Variants in RASSF4 observed in about 807,000 individuals in gnomAD.
RASSF4 encodes ras association domain-containing protein 4.
RASSF4 carries 38 observed loss-of-function variants against 41.1 expected under a neutral mutation model. The ratio of observed to expected loss-of-function variants is 0.92; its 90% CI spans 0.71 to 1.21. The LOEUF is 1.21. Among genes scored for constraint, RASSF4 ranks in the 50% most tolerant of loss-of-function variants. The pLI is 0.00. For missense variants in RASSF4, 414 were observed against 419.4 expected (o/e 0.99, Z 0.11); for synonymous variants, 179 against 163.4 (o/e 1.10, Z -0.73).
chr10:44,993,246 C>T (rs760712496), intron 10 of RASSF4, 23 bp from the exon 11 acceptor site: 4 of 1,608,980 alleles, frequency 2.5e-6, no homozygotes, highest in African/African-American at 1.3e-5. Context: ...TCAGTGAGTC[C>T]TCTTGGCGAT....
rs770448767 is a variant in RASSF4, at chr10:44,982,664, G to T, written c.281+1G>T. On this transcript the variant is annotated splice_donor_variant, in intron 4 of 10. Coordinates refer to ENST00000340258, the MANE Select transcript of RASSF4 (RefSeq NM_032023.4). LOFTEE classifies it high-confidence loss of function. ...TGCCCAGACGGCCTAGCTGCCCTCT[G>T]TGAGTACCCGGTGGCTTCTGTGACA... 5.6e-6 allele frequency: 9 copies of T among 1,612,478 alleles called. No homozygotes were observed. Among genetic ancestry groups the T allele is most frequent in the South Asian group, 3.3e-5 (3 of 90,954 alleles).
At position 44,970,481 on chromosome 10, in the gene RASSF4, G is replaced by A. The variant is rs925816613; in HGVS notation, c.62+217G>A. The stretch of plus-strand genomic sequence containing the variant: ...TGGGAGGCATGGGCAATAGAAAAGA[G>A]GCTCCAGATGGCAGGCACTTTATAC... On this transcript the variant is annotated intron_variant, in intron 2 of 10. Coordinates refer to ENST00000340258, the MANE Select transcript of RASSF4 (RefSeq NM_032023.4). The A allele has an allele frequency of 5.4e-6, 3 of 558,014 alleles. No homozygotes were observed. In the African/African-American group the frequency reaches 5.6e-5, roughly 10 times the overall value. The allele number at this position is 558,014 out of a possible 1,614,324, so 34.6% of individuals were successfully genotyped here. A position where few individuals can be genotyped will look rare whatever the true frequency, so the allele number is the denominator to read the frequency against.
chr10:44,974,734 CCACGCTCTGGGGCCAGCGT>C (rs1358902751), intron 3 of RASSF4, among the ~76,000 whole-genome samples: 7 of 152,188 alleles, frequency 4.6e-5, no homozygotes, highest in East Asian at 1.9e-4. Flanking sequence ...GTGGGCAGGG[CCACGCTCTGGGGCCAGCGT>C]CACGCCCTGG....
intron 4 of RASSF4, chr10:44,983,036 G>T: frequency 4.1e-6 from 2 of 483,418 alleles, no homozygotes; most frequent in Non-Finnish European, 8.1e-6. Flanking sequence ...TTACTACTCT[G>T]TTTTCATTTT....
rs556839563 is a variant in RASSF4 at position 44,990,062 on chromosome 10, C to T, written c.685+341C>T. Among the ~76,000 whole-genome samples the T allele has an allele frequency of 2.4e-4, 37 of 152,334 alleles. 1 individual carries two copies. The South Asian group carries it at 7.0e-3, about 29-fold the overall frequency. ...CCAAGCTATAGGAAGCCTCCCTCTC[C>T]GCCTCTTCCAGAGAAATGGATGGGT... On this transcript the variant is annotated intron_variant, in intron 8 of 10. Transcript: ENST00000340258.
In RASSF4 at chr10:44,959,886, G is replaced by T. The variant is rs1287635361; in HGVS notation, c.-39+20G>T. ...TGGACGGTGAGTGATGAACGAGCAGGAGAGTGCTTGGGCGTCCATGGAGCA... is the reference window on the plus strand; with the variant it reads ...TGGACGGTGAGTGATGAACGAGCAGTAGAGTGCTTGGGCGTCCATGGAGCA... On this transcript the variant is annotated intron_variant, in intron 1 of 10. Transcript: ENST00000340258. The T allele has an allele frequency of 6.6e-6, 1 of 152,416 alleles. No individual in the cohort carries two copies. The highest frequency in any genetic ancestry group is 1.5e-5 in the Non-Finnish European group (1 of 68,192). The allele number at this position is 152,416 out of a possible 1,614,324, so 9.4% of individuals were successfully genotyped here. A position where few individuals can be genotyped will look rare whatever the true frequency, so the allele number is the denominator to read the frequency against.
intron 1 of RASSF4, among the ~76,000 whole-genome samples, chr10:44,965,946 A>T (rs961791269): frequency 6.6e-6 from 1 of 152,168 alleles, no homozygotes. Flanking sequence ...CGTGCAGGGG[A>T]AAAGCACTCC....
chr10:44,971,357 C>T (rs531022733), intron 2 of RASSF4: 423 of 387,028 alleles, frequency 1.1e-3, no homozygotes, highest in Non-Finnish European at 1.8e-3. Context: ...GCAGCAGCCA[C>T]AGCAGGCCTT....
At chr10:44,969,128 GTA>G (rs750836222) in intron 1 of RASSF4, among the ~76,000 whole-genome samples, 3 of 151,246 alleles carry the variant, frequency 2.0e-5, no homozygotes, top group Admixed American at 2.0e-4. Flanking sequence ...GTGTGTGTGT[GTA>G]TGTATGTGTG....
chr10:44,964,680 C>T (rs913959391), intron 1 of RASSF4, among the ~76,000 whole-genome samples: 1 of 152,144 alleles, frequency 6.6e-6, no homozygotes, highest in African/African-American at 2.4e-5. Context: ...TCTCAAAGGC[C>T]CCACCCAGTG....
rs1334185688 is a variant in RASSF4, at chr10:44,987,609, A to AG, written c.532-1665_532-1664insG. 7.5e-4 allele frequency among the ~76,000 whole-genome samples: 102 copies of AG among 135,394 alleles called. 1 individual carries two copies. The highest frequency in any genetic ancestry group is 1.1e-4 in the Non-Finnish European group (7 of 64,508). The allele number at this position is 135,394 out of a possible 152,430, so 88.8% of individuals were successfully genotyped here. ...GAAGGTTGCTGTTCAGCAACCTTCC[A>AG]TTTGCAAAAATGTGCACTTTTTTTT... On this transcript the variant is annotated intron_variant, in intron 6 of 10. Transcript: ENST00000340258.
At chr10:44,977,319 T>TG in intron 3 of RASSF4, 6 of 1,497,850 alleles carry the variant, frequency 4.0e-6, no homozygotes, top group Non-Finnish European at 5.4e-6. Context: ...CCAGGGGCAG[T>TG]GACCACCATG....
At chr10:44,965,185 A>G (rs950379269) in intron 1 of RASSF4, among the ~76,000 whole-genome samples, 2 of 152,254 alleles carry the variant, frequency 1.3e-5, no homozygotes, top group African/African-American at 4.8e-5. Context: ...ACAGAGACTT[A>G]TATACCATTT....
chr10:44,968,575 T>C (rs560590387), intron 1 of RASSF4, among the ~76,000 whole-genome samples: 1 of 152,294 alleles, frequency 6.6e-6, no homozygotes, highest in South Asian at 2.1e-4. Context: ...CATGCAGGGC[T>C]GATGCTAGCA....
At chr10:44,963,396 T>C (rs1840782804) in intron 1 of RASSF4, among the ~76,000 whole-genome samples, 1 of 152,222 alleles carries the variant, frequency 6.6e-6, no homozygotes. Context: ...CGGCAGACGC[T>C]GCAACTTCTT....
rs753413115 is a variant in RASSF4, at chr10:44,989,720, G to A, written c.684G>A (p.Gly228=). The change falls in exon 8 of 11, where the codon GGG becomes GGA. Residue 228 remains glycine (G), a splice_region_variant and synonymous_variant. Coordinates refer to ENST00000340258, the MANE Select transcript of RASSF4 (RefSeq NM_032023.4). ...EFALYIVHES[G]ERTKLKDCEY... is the part of the protein sequence containing the mutation. ...CACTCTACATCGTTCACGAGTCTGGGGGTAAGTACCTGCCCCACTTCTGGA... is the reference window on the plus strand; with the variant it reads ...CACTCTACATCGTTCACGAGTCTGGAGGTAAGTACCTGCCCCACTTCTGGA... 3.7e-6 allele frequency: 6 copies of A among 1,613,948 alleles called. No individual in the cohort carries two copies. The South Asian group carries it at 5.5e-5, about 15-fold the overall frequency.
At chr10:44,960,443 A>G (rs1840666405) in intron 1 of RASSF4, among the ~76,000 whole-genome samples, 1 of 152,206 alleles carries the variant, frequency 6.6e-6, no homozygotes, top group South Asian at 2.1e-4. Flanking sequence ...TGAGTTGGTG[A>G]TGGAGCCAGG....
chr10:44,977,647 G>A (rs745512890), intron 3 of RASSF4: 2 of 1,613,110 alleles, frequency 1.2e-6, no homozygotes, highest in South Asian at 2.2e-5. Flanking sequence ...GGCCAGCAGA[G>A]GGGCCAGTCC....
intron 3 of RASSF4, chr10:44,978,171 A>C: frequency 1.1e-6 from 1 of 938,814 alleles, no homozygotes. Flanking sequence ...GAGCAATTTG[A>C]AGTCTACAGA....
Sources: gnomAD v4.1 joint callset for allele counts (sites outside exome capture counted in the v4.1 genomes callset) on GRCh38, gnomAD v4.1.1 for gene constraint, MANE v1.5 for transcripts, NCBI Gene and HGNC (gene_info 2026-07-23, HGNC 2026-07-21) for gene names.